Variants in WWC2 observed in about 807,000 individuals in gnomAD.
The protein encoded by WWC2 is WW and C2 domain containing 2, also known as protein WWC2.
In WWC2, 101 loss-of-function variants were observed where a neutral mutation model predicts 138.5. The observed-to-expected ratio is 0.73, with a 90% CI of 0.62 to 0.86. The LOEUF (loss-of-function observed/expected upper bound fraction) is 0.86. WWC2 is among the 40% of genes least tolerant of loss of function. The probability of loss-of-function intolerance (pLI) is 0.00; values close to 1 mark genes in which losing one functional copy is unlikely to be tolerated. For synonymous variants in WWC2, 558 were observed against 538.4 expected (o/e 1.04, Z -0.50); for missense variants, 1,420 against 1,419.4 (o/e 1.00, Z -0.01).
chr4:183,134,039 T>C (rs1733031777), intron 1 of WWC2, among the ~76,000 whole-genome samples: 1 of 152,222 alleles, frequency 6.6e-6, no homozygotes, highest in Non-Finnish European at 1.5e-5. Context: ...GTTTCATTTT[T>C]TAAAGGAATT....
rs141235309 is a variant in WWC2 at position 183,286,495 on chromosome 4, A to G, written c.3141+436A>G. 1.4e-4 allele frequency among the ~76,000 whole-genome samples: 22 copies of G among 152,240 alleles called. No homozygotes were observed. In the East Asian group the frequency reaches 4.1e-3, roughly 28 times the overall value. On this transcript the variant is annotated intron_variant, in intron 20 of 22. Coordinates refer to ENST00000403733, the MANE Select transcript of WWC2 (RefSeq NM_024949.6). ...CAGTTTTTGTAGCTTGCTTACACAG[A>G]TATCTTTAGAAGGTTAAAACTCATG...
chr4:183,215,978 G>A (rs1735744503), intron 4 of WWC2, among the ~76,000 whole-genome samples: 1 of 152,106 alleles, frequency 6.6e-6, no homozygotes, highest in Admixed American at 6.5e-5. Flanking sequence ...AGCCTACAAA[G>A]CTCATTTGCT....
intron 4 of WWC2, among the ~76,000 whole-genome samples, chr4:183,229,661 TGAGA>T (rs909180860): frequency 2.0e-5 from 3 of 152,018 alleles, no homozygotes; most frequent in African/African-American, 4.8e-5. Context: ...AATCTAATTA[TGAGA>T]GAGTATCAGG....
chr4:183,265,966 C>A lies in WWC2; in HGVS notation c.2207+15C>A. On this transcript the variant is annotated intron_variant, in intron 14 of 22. Transcript: ENST00000403733. The stretch of plus-strand genomic sequence containing the variant: ...ACTTCAAAAGTGTAAGTAAAATCAG[C>A]GAAGATCAAATTGAGGAACTTAAAC... The A allele has an allele frequency of 6.3e-7, 1 of 1,598,890 alleles. No homozygotes were observed. Among genetic ancestry groups the A allele is most frequent in the Non-Finnish European group, 8.5e-7 (1 of 1,170,912 alleles).
chr4:183,218,699 T>G (rs1257266142), intron 4 of WWC2, among the ~76,000 whole-genome samples: 1 of 152,136 alleles, frequency 6.6e-6, no homozygotes, highest in African/African-American at 2.4e-5. Context: ...GTCTGAAGGC[T>G]GGCAGGCGGA....
At chr4:183,212,032 A>T (rs963364166) in intron 4 of WWC2, among the ~76,000 whole-genome samples, 1 of 152,086 alleles carries the variant, frequency 6.6e-6, no homozygotes, top group African/African-American at 2.4e-5. Context: ...CATGTTGGCC[A>T]GGCTGGTTTC....
chr4:183,261,196 G>T lies in WWC2; in HGVS notation c.1573G>T (p.Val525Leu), dbSNP rs764032965. ...SQPGQSGLCG[V>L]AAAATGHTPP... is the part of the protein sequence containing the mutation. ...GCCTGGCCAGAGTGGACTCTGTGGAGTGGCAGCTGCAGCAACAGGCCACAC... is the reference window on the plus strand; with the variant it reads ...GCCTGGCCAGAGTGGACTCTGTGGATTGGCAGCTGCAGCAACAGGCCACAC... The change falls in exon 11 of 23, where the codon GTG becomes TTG. Residue 525 changes from valine to leucine, a missense_variant. By Grantham distance (32) the Val-to-Leu change is conservative (BLOSUM62 1). Transcript: ENST00000403733. 2.2e-5 allele frequency: 36 copies of T among 1,613,212 alleles called. No individual in the cohort carries two copies. The highest frequency in any genetic ancestry group is 2.6e-5 in the Non-Finnish European group (31 of 1,179,688).
At chr4:183,166,735 C>G (rs1734139825) in intron 1 of WWC2, among the ~76,000 whole-genome samples, 1 of 152,020 alleles carries the variant, frequency 6.6e-6, no homozygotes, top group African/African-American at 2.4e-5. Flanking sequence ...AGCCCTGGAC[C>G]CTCAGGTGTC....
At chr4:183,101,300 A>G (rs1258039515) in intron 1 of WWC2, among the ~76,000 whole-genome samples, 1 of 152,240 alleles carries the variant, frequency 6.6e-6, no homozygotes, top group African/African-American at 2.4e-5. Context: ...GTGGAGTGAA[A>G]TTATATGACT....
intron 4 of WWC2, among the ~76,000 whole-genome samples, chr4:183,219,916 A>G (rs1187292239): frequency 6.6e-6 from 1 of 152,170 alleles, no homozygotes. Flanking sequence ...AGATAGAGAA[A>G]TTATTCTGGG....
At chr4:183,128,174 A>G (rs1193353180) in intron 1 of WWC2, among the ~76,000 whole-genome samples, 2 of 151,976 alleles carry the variant, frequency 1.3e-5, no homozygotes, top group Non-Finnish European at 2.9e-5. Flanking sequence ...CCCCCTCTCT[A>G]CTAAAAATAC....
rs550478903 is a variant in WWC2, at chr4:183,099,392, C to T, written c.-100C>T. The T allele has an allele frequency of 3.5e-6, 4 of 1,146,636 alleles. No homozygotes were observed. In the East Asian group the frequency reaches 1.7e-4, roughly 48 times the overall value. 71.0% of individuals were successfully genotyped at this position (1,146,636 alleles called of 1,614,324 possible). On this transcript the variant is annotated 5_prime_UTR_variant, in exon 1 of 23. Coordinates refer to ENST00000403733, the MANE Select transcript of WWC2 (RefSeq NM_024949.6). Reference sequence around the variant, plus strand: ...TGCGCCCCTCAGCCCCTCGCCGGCGCCCGCGTCGCGGGTTGGCAGCCTAGC... The same window carrying T: ...TGCGCCCCTCAGCCCCTCGCCGGCGTCCGCGTCGCGGGTTGGCAGCCTAGC...
intron 1 of WWC2, among the ~76,000 whole-genome samples, chr4:183,104,530 T>C (rs1743290164): frequency 6.6e-6 from 1 of 152,214 alleles, no homozygotes; most frequent in Non-Finnish European, 1.5e-5. Context: ...TGAACCTTGA[T>C]AGTCTTAATC....
chr4:183,178,653 G>A (rs1053782038), intron 1 of WWC2, among the ~76,000 whole-genome samples: 7 of 151,822 alleles, frequency 4.6e-5, no homozygotes, highest in African/African-American at 1.7e-4. Context: ...AAGCTATTAA[G>A]GCTGAGTTAG....
chr4:183,259,597 A>T, intron 9 of WWC2, 42 bp from the exon 10 acceptor site: 1 of 1,366,482 alleles, frequency 7.3e-7, no homozygotes, highest in Non-Finnish European at 1.0e-6. Flanking sequence ...TAGTTTTCAT[A>T]TTTTGTTATA....
intron 21 of WWC2, among the ~76,000 whole-genome samples, chr4:183,304,414 T>C (rs528247790): frequency 6.6e-6 from 1 of 152,280 alleles, no homozygotes; most frequent in Non-Finnish European, 1.5e-5. Flanking sequence ...TTCCAGGAGC[T>C]TGACTGGGTC....
Position 183,320,252 on chromosome 4 carries a change from C to G in WWC2, c.*4523C>G. ...CCTGAGAGCTTTAGCCAAACTAACT[C>G]CTGCCCTTCGGTTGCTGTGAAAAGA... On this transcript the variant is annotated 3_prime_UTR_variant, in exon 23 of 23. Transcript: ENST00000403733. The G allele has an allele frequency of 6.4e-7, 1 of 1,571,104 alleles. No homozygotes were observed. The highest frequency in any genetic ancestry group is 8.6e-7 in the Non-Finnish European group (1 of 1,157,452).
chr4:183,195,467 C>T (rs1735113154), intron 2 of WWC2, among the ~76,000 whole-genome samples: 1 of 152,196 alleles, frequency 6.6e-6, no homozygotes, highest in Admixed American at 6.5e-5. Flanking sequence ...AGGAGGCATT[C>T]CTCTGGACAC....
chr4:183,160,586 C>T (rs535844844), intron 1 of WWC2, among the ~76,000 whole-genome samples: 15 of 152,234 alleles, frequency 9.9e-5, no homozygotes, highest in Middle Eastern at 3.4e-3. Flanking sequence ...ATTACTTTCA[C>T]TTTGGATTGA....
Sources: gnomAD v4.1 joint callset for allele counts (sites outside exome capture counted in the v4.1 genomes callset) on GRCh38, gnomAD v4.1.1 for gene constraint, MANE v1.5 for transcripts, NCBI Gene and HGNC (gene_info 2026-07-23, HGNC 2026-07-21) for gene names.